Variants in RNF130 observed in about 807,000 individuals in gnomAD.
RNF130 encodes ring finger protein 130.
In RNF130, 21 loss-of-function variants were observed where a neutral mutation model predicts 44.6. The ratio of observed to expected loss-of-function variants is 0.47; its 90% CI spans 0.33 to 0.68. The LOEUF is 0.68. Among genes scored for constraint, RNF130 ranks in the 30% least tolerant of loss-of-function variants. RNF130 has a pLI of 0.02. For missense variants in RNF130, 479 were observed against 560.6 expected, an observed-to-expected ratio of 0.85 and a Z score of 1.47; for synonymous variants, 214 against 210.4, an observed-to-expected ratio of 1.02 and a Z score of -0.15.
At chr5:180,057,258 T>G (rs1764849304) in intron 1 of RNF130, among the ~76,000 whole-genome samples, 1 of 152,156 alleles carries the variant, frequency 6.6e-6, no homozygotes, top group Non-Finnish European at 1.5e-5. Context: ...ATCAATCATG[T>G]CTGTGTCGGG....
chr5:180,002,425 C>G (rs1417895472), intron 3 of RNF130, among the ~76,000 whole-genome samples: 1 of 152,164 alleles, frequency 6.6e-6, no homozygotes, highest in Non-Finnish European at 1.5e-5. Context: ...ACTACTCACC[C>G]CTGGAGCAAG....
At chr5:179,986,643 G>A (rs564253405) in intron 3 of RNF130, among the ~76,000 whole-genome samples, 11 of 152,296 alleles carry the variant, frequency 7.2e-5, no homozygotes, top group African/African-American at 2.6e-4. Context: ...ACGTACTACT[G>A]TTAATTTTAT....
At chr5:180,049,802 GCTT>G (rs1212820042) in intron 1 of RNF130, among the ~76,000 whole-genome samples, 1 of 152,012 alleles carries the variant, frequency 6.6e-6, no homozygotes, top group African/African-American at 2.4e-5. Flanking sequence ...ACTTTTCTAA[GCTT>G]CTTTATACTT....
At chr5:179,943,811 C>T (rs1174701697) in intron 7 of RNF130, among the ~76,000 whole-genome samples, 1 of 152,062 alleles carries the variant, frequency 6.6e-6, no homozygotes, top group Admixed American at 6.6e-5. Flanking sequence ...TCCTGAGTTG[C>T]AACATGTTGA....
rs1253139851 is a variant in RNF130 at position 179,946,622 on chromosome 5, T to C, written c.1150+20184A>G. 3.8e-3 allele frequency among the ~76,000 whole-genome samples: 575 copies of C among 151,822 alleles called. 8 individuals carry two copies. The highest frequency in any genetic ancestry group is 0.02 in the Admixed American group (309 of 15,262). On this transcript the variant is annotated intron_variant, in intron 7 of 7. Coordinates refer to the RNF130 transcript ENST00000522208. ...AGGCTGGAGTGCAGTGGTGTGATCTTGGCTCACTGCAAGCTCCGCCTCCCG... is the reference window on the plus strand; with the variant it reads ...AGGCTGGAGTGCAGTGGTGTGATCTCGGCTCACTGCAAGCTCCGCCTCCCG...
intron 5 of RNF130, among the ~76,000 whole-genome samples, chr5:179,971,100 G>A (rs1297971987): frequency 6.6e-6 from 1 of 151,738 alleles, no homozygotes; most frequent in Non-Finnish European, 1.5e-5. Flanking sequence ...GGGAGGATGG[G>A]AGATTTTCTC....
chr5:179,945,972 C>G (rs1317504933), intron 7 of RNF130, among the ~76,000 whole-genome samples: 1 of 152,210 alleles, frequency 6.6e-6, no homozygotes, highest in Admixed American at 6.5e-5. Context: ...TCCCCACGGC[C>G]GCATCTGCCC....
chr5:179,957,636 G>A (rs1267619709), intron 8 of RNF130, among the ~76,000 whole-genome samples: 1 of 152,112 alleles, frequency 6.6e-6, no homozygotes, highest in Non-Finnish European at 1.5e-5. Context: ...GAATTCCAGT[G>A]GCCTTCTTCC....
intron 1 of RNF130, among the ~76,000 whole-genome samples, chr5:180,066,198 G>C (rs1203196596): frequency 6.6e-6 from 1 of 152,190 alleles, no homozygotes; most frequent in Non-Finnish European, 1.5e-5. Flanking sequence ...GAATCATGGA[G>C]GCGGTTTCCC....
At position 179,983,705 on chromosome 5, in the gene RNF130, C is replaced by T. The variant is rs536508966; in HGVS notation, c.694-3505G>A. ...ATCAGGGATTTACAATGAGATTGTG[C>T]TGAATGTATACATCCACTTGGGGAG... On this transcript the variant is annotated intron_variant, in intron 3 of 8. Coordinates refer to ENST00000521389, the MANE Select transcript of RNF130 (RefSeq NM_018434.6). 3.7e-4 allele frequency among the ~76,000 whole-genome samples: 56 copies of T among 152,274 alleles called. 2 individuals carry two copies. The South Asian group carries it at 0.011, about 31-fold the overall frequency.
At chr5:179,955,698 T>A in intron 8 of RNF130, 29 bp from the exon 9 acceptor site, 6 of 1,542,420 alleles carry the variant, frequency 3.9e-6, no homozygotes, top group Non-Finnish European at 3.5e-6. Context: ...AAAGAGGTCA[T>A]AAATTAAAGA....
intron 7 of RNF130, among the ~76,000 whole-genome samples, chr5:179,940,995 T>C (rs1167746875): frequency 1.3e-5 from 2 of 152,218 alleles, no homozygotes; most frequent in African/African-American, 4.8e-5. Context: ...AAACTCTCTA[T>C]TGAGTTCTTC....
intron 2 of RNF130, among the ~76,000 whole-genome samples, chr5:180,016,345 C>CACAT (rs1561693936): frequency 6.8e-4 from 16 of 23,442 alleles, no homozygotes; most frequent in Non-Finnish European, 1.3e-3. Flanking sequence ...CCCAGTTTCA[C>CACAT]GCCAAAGGAA....
At chr5:179,956,347 A>T (rs1762211466) in intron 8 of RNF130, 1 of 152,020 alleles carries the variant, frequency 6.6e-6, no homozygotes, top group African/African-American at 2.4e-5. Flanking sequence ...CAAACCATAT[A>T]AGCTTTGGTT....
At chr5:179,973,668 A>G (rs1243237923) in intron 5 of RNF130, among the ~76,000 whole-genome samples, 1 of 152,130 alleles carries the variant, frequency 6.6e-6, no homozygotes, top group East Asian at 1.9e-4. Context: ...GGCTCTCATT[A>G]TGGAAGGTGC....
chr5:179,914,675 A>C (rs182739425), exon 8 of RNF130: 30 of 152,440 alleles, frequency 2.0e-4, no homozygotes, highest in African/African-American at 7.0e-4. Context: ...GATTTGGGTG[A>C]CATAGATATT....
chr5:180,053,746 G>A (rs1403094949), intron 1 of RNF130, among the ~76,000 whole-genome samples: 1 of 151,760 alleles, frequency 6.6e-6, no homozygotes, highest in Non-Finnish European at 1.5e-5. Context: ...CTACCACAGA[G>A]AATAACCTGA....
intron 7 of RNF130, chr5:179,920,498 C>G: frequency 1.5e-6 from 1 of 672,480 alleles, no homozygotes; most frequent in Non-Finnish European, 2.7e-6. Flanking sequence ...TAGGAGGAAA[C>G]AATGCAGATT....
At chr5:179,925,958 T>G (rs978203348) in intron 7 of RNF130, among the ~76,000 whole-genome samples, 1 of 152,128 alleles carries the variant, frequency 6.6e-6, no homozygotes, top group South Asian at 2.1e-4. Flanking sequence ...GGGGGATGCA[T>G]GTGGCACGGA....
Sources: allele counts gnomAD v4.1 joint callset (sites outside exome capture counted in the v4.1 genomes callset), GRCh38; gene constraint gnomAD v4.1.1; transcripts MANE v1.5; gene names NCBI Gene and HGNC (gene_info 2026-07-23, HGNC 2026-07-21).